Variants in RALGPS1 observed in about 807,000 individuals in gnomAD.
RALGPS1 encodes Ral GEF with PH domain and SH3 binding motif 1.
In RALGPS1, 19 loss-of-function variants were observed where a neutral mutation model predicts 78.8. The observed-to-expected ratio is 0.24, with a 90% CI of 0.17 to 0.35. RALGPS1 has a LOEUF of 0.35. Among genes scored for constraint, RALGPS1 ranks in the 10% least tolerant of loss-of-function variants. The probability of loss-of-function intolerance (pLI) is 1.00; values close to 1 mark genes in which losing one functional copy is unlikely to be tolerated. For synonymous variants in RALGPS1, 228 were observed against 256.3 expected, an observed-to-expected ratio of 0.89 and a Z score of 1.06; for missense variants, 454 against 688.3, an observed-to-expected ratio of 0.66 and a Z score of 3.81.
chr9:127,206,534 G>C lies in RALGPS1; in HGVS notation c.1248-5597G>C, dbSNP rs143456292. Reference sequence around the variant, plus strand: ...CACTATCATGAGAACAGCAGCATGGGGGTAACCACCCCCATGATTCAGTTA... The same window carrying C: ...CACTATCATGAGAACAGCAGCATGGCGGTAACCACCCCCATGATTCAGTTA... On this transcript the variant is annotated intron_variant, in intron 14 of 18. Transcript: ENST00000259351. 3.6e-3 allele frequency among the ~76,000 whole-genome samples: 548 copies of C among 152,152 alleles called. 1 individual carries two copies. The highest frequency in any genetic ancestry group is 5.9e-3 in the Non-Finnish European group (403 of 68,002).
chr9:127,182,721 G>A (rs764167120), intron 11 of RALGPS1, among the ~76,000 whole-genome samples: 1 of 151,950 alleles, frequency 6.6e-6, no homozygotes, highest in African/African-American at 2.4e-5. Flanking sequence ...GAGTCACCAT[G>A]CCCAGCCTAA....
rs1457046768 is a variant in RALGPS1, at chr9:127,211,828, G to T, written c.1248-303G>T. Among the ~76,000 whole-genome samples, 1 of 152,158 alleles carries T rather than the reference G, an allele frequency of 6.6e-6. No homozygotes were observed. Among genetic ancestry groups the T allele is most frequent in the African/African-American group, 2.4e-5 (1 of 41,440 alleles). On this transcript the variant is annotated intron_variant, in intron 14 of 18. Coordinates refer to ENST00000259351, the MANE Select transcript of RALGPS1 (RefSeq NM_014636.3). This position sits in a 1 kb window ranked among gnomAD's most constrained non-coding sequence, Gnocchi z 5.0. ...CACGCCAGCCCCAGGGAGCGGCCAG[G>T]CTGTAGCCGTGACAAAAGCATCCCT...
chr9:127,155,633 G>A lies in RALGPS1; in HGVS notation c.611-10436G>A, dbSNP rs530980369. ...AGCCACTGGGTATTTTTAAGTAGGT[G>A]AGGGGCATGGTCTAATAGGGTTTGA... On this transcript the variant is annotated intron_variant, in intron 8 of 18. Coordinates refer to ENST00000259351, the MANE Select transcript of RALGPS1 (RefSeq NM_014636.3). Among the ~76,000 whole-genome samples the A allele has an allele frequency of 8.5e-5, 13 of 152,324 alleles. No individual in the cohort carries two copies. The South Asian group carries it at 1.9e-3, about 22-fold the overall frequency.
intron 5 of RALGPS1, among the ~76,000 whole-genome samples, chr9:127,037,310 A>T (rs969092737): frequency 3.3e-5 from 5 of 152,178 alleles, no homozygotes; most frequent in Non-Finnish European, 7.4e-5. Context: ...TGAAGAGGGA[A>T]TTGGGAGAAA....
intron 4 of RALGPS1, chr9:126,978,037 C>T: frequency 3.7e-6 from 1 of 272,706 alleles, no homozygotes; most frequent in Non-Finnish European, 6.8e-6. Flanking sequence ...TTCCCAGGCT[C>T]CTCCTGCTGA....
At chr9:127,024,182 A>C (rs552251293) in intron 4 of RALGPS1, among the ~76,000 whole-genome samples, 1 of 152,126 alleles carries the variant, frequency 6.6e-6, no homozygotes, top group South Asian at 2.1e-4. Context: ...TCAACTTCAA[A>C]ATATATTTTT....
Position 127,050,074 on chromosome 9 carries a change from C to G in RALGPS1, c.332C>G (p.Thr111Arg). The change falls in exon 6 of 19, where the codon ACA becomes AGA. Residue 111 changes from threonine (T) to arginine (R), a missense_variant. Transcript: ENST00000259351. Reference protein sequence around the residue: ...VSFWVVREILTAQTLKIRAEI... With the variant: ...VSFWVVREILRAQTLKIRAEI... ...TTTTGGGTTGTACGAGAAATTCTAA[C>G]AGCACAGACTTTAAAAATAAGGGCA... 6.2e-7 allele frequency: 1 copy of G among 1,613,984 alleles called. No homozygotes were observed. Among genetic ancestry groups the G allele is most frequent in the Non-Finnish European group, 8.5e-7 (1 of 1,179,854 alleles).
At chr9:127,055,517 C>T (rs1174272700) in intron 7 of RALGPS1, among the ~76,000 whole-genome samples, 3 of 152,174 alleles carry the variant, frequency 2.0e-5, no homozygotes, top group Admixed American at 1.3e-4. Context: ...TATACCTGGC[C>T]CCTAAACACT....
At chr9:127,047,465 G>A (rs62580843) in intron 5 of RALGPS1, among the ~76,000 whole-genome samples, 3,593 of 152,226 alleles carry the variant, frequency 0.024, 47 homozygotes, top group Middle Eastern at 0.048. Context: ...TTGGGAGGCC[G>A]AGGCAGGTGG....
At chr9:127,072,912 A>C (rs11794977) in intron 8 of RALGPS1, among the ~76,000 whole-genome samples, 1 of 151,828 alleles carries the variant, frequency 6.6e-6, no homozygotes, top group African/African-American at 2.4e-5. Context: ...CATCTATTTT[A>C]TTTTTCATTT....
rs151187722 is a variant in RALGPS1, at chr9:126,973,092, G to A, written c.166-4603G>A. Among the ~76,000 whole-genome samples, 115 of 152,218 alleles carry A rather than the reference G, an allele frequency of 7.6e-4. 1 individual carries two copies. The highest frequency in any genetic ancestry group is 3.4e-3 in the Middle Eastern group (1 of 294). ...AAACAAAAAGTATGTATCAGGTTGA[G>A]CATGGTGGCTTACATCTGTAATCCC... On this transcript the variant is annotated intron_variant, in intron 3 of 18. Transcript: ENST00000259351.
intron 8 of RALGPS1, among the ~76,000 whole-genome samples, chr9:127,101,232 C>T (rs1218719340): frequency 1.3e-5 from 2 of 152,234 alleles, no homozygotes; most frequent in African/African-American, 4.8e-5. Context: ...CTTTGCACAC[C>T]GTTTCATTTC....
intron 8 of RALGPS1, among the ~76,000 whole-genome samples, chr9:127,153,511 G>C (rs1252369094): frequency 2.0e-5 from 3 of 150,418 alleles, no homozygotes; most frequent in East Asian, 2.0e-4. Flanking sequence ...TGGTTCTGCT[G>C]TATACCCCTG....
intron 1 of RALGPS1, among the ~76,000 whole-genome samples, chr9:126,946,348 A>G (rs2037264298): frequency 6.6e-6 from 1 of 152,138 alleles, no homozygotes; most frequent in Admixed American, 6.5e-5. Flanking sequence ...ATCCTGGCCA[A>G]TGTGGCGAAA....
chr9:126,966,016 C>G lies in RALGPS1; in HGVS notation c.165+65C>G, dbSNP rs1412487250. ...AGCAGGGCACTAGAGGGAGCCACCA[C>G]TTAGGCTTTGGGCTCAGATTGGAAA... On this transcript the variant is annotated intron_variant, in intron 3 of 18. Transcript: ENST00000259351. 3.4e-5 allele frequency: 42 copies of G among 1,221,204 alleles called. No homozygotes were observed. The Admixed American group carries it at 7.0e-4, about 20-fold the overall frequency. The allele number at this position is 1,221,204 out of a possible 1,614,324, so 75.6% of individuals were successfully genotyped here.
chr9:127,014,605 A>G (rs2044648197), intron 4 of RALGPS1, among the ~76,000 whole-genome samples: 1 of 152,188 alleles, frequency 6.6e-6, no homozygotes, highest in Admixed American at 6.5e-5. Flanking sequence ...TTATGAGATT[A>G]GGAATGGAGA....
At chr9:127,137,436 G>A (rs147445503) in intron 8 of RALGPS1, among the ~76,000 whole-genome samples, 1 of 152,344 alleles carries the variant, frequency 6.6e-6, no homozygotes, top group Non-Finnish European at 1.5e-5. Context: ...AGTGACTGGG[G>A]GGAAGTCACT....
intron 8 of RALGPS1, among the ~76,000 whole-genome samples, chr9:127,113,030 T>C (rs573859960): frequency 6.6e-6 from 1 of 152,352 alleles, no homozygotes; most frequent in East Asian, 1.9e-4. Context: ...TGTAACTACA[T>C]TGATTCTGAG....
At chr9:127,127,445 G>T (rs971794302) in intron 8 of RALGPS1, among the ~76,000 whole-genome samples, 1 of 152,130 alleles carries the variant, frequency 6.6e-6, no homozygotes, top group Non-Finnish European at 1.5e-5. Context: ...TTCTGTACCC[G>T]TTCTGCTGTT....
Sources: gnomAD v4.1 joint callset for allele counts (sites outside exome capture counted in the v4.1 genomes callset) on GRCh38, gnomAD v4.1.1 for gene constraint, Gnocchi (gnomAD v3.1) non-coding constraint, MANE v1.5 for transcripts, NCBI Gene and HGNC (gene_info 2026-07-23, HGNC 2026-07-21) for gene names.